SGPP2: variants seen among roughly 807,000 people sequenced by gnomAD.
SGPP2 encodes the protein sphingosine-1-phosphate phosphatase 2, also known as sphingosine 1-phosphate phosphohydrolase 2.
In SGPP2, 30 loss-of-function variants were observed where a neutral mutation model predicts 33.9. The observed-to-expected ratio is 0.89, with a 90% CI of 0.66 to 1.20. SGPP2 has a LOEUF of 1.20. Ranked by LOEUF, SGPP2 falls within the 50% of genes most tolerant of loss-of-function variation. The pLI is 0.00. For missense variants in SGPP2, 458 were observed against 532.1 expected (o/e 0.86, Z 1.37); for synonymous variants, 233 against 225.0 (o/e 1.04, Z -0.32).
rs766297637 is a variant in SGPP2 at position 222,428,895 on chromosome 2, G to A, written c.219+4074G>A. 4.8e-4 allele frequency among the ~76,000 whole-genome samples: 68 copies of A among 141,892 alleles called. 1 individual carries two copies. Among genetic ancestry groups the A allele is most frequent in the Non-Finnish European group, 8.7e-4 (58 of 66,706 alleles). 93.1% of individuals were successfully genotyped at this position (141,892 alleles called of 152,430 possible). A position where few individuals can be genotyped will look rare whatever the true frequency, so the allele number is the denominator to read the frequency against. ...CAACCTCTGCCTCCTGGATTCAAAC[G>A]ATTCTCCTGCCTCAGCCTCCCAAGT... On this transcript the variant is annotated intron_variant, in intron 1 of 4. Transcript: ENST00000321276.
At chr2:222,469,911 A>T (rs528269781) in intron 1 of SGPP2, among the ~76,000 whole-genome samples, 3 of 152,260 alleles carry the variant, frequency 2.0e-5, no homozygotes, top group African/African-American at 7.2e-5. Flanking sequence ...TGATACATAT[A>T]CACCATGGAA....
In SGPP2 at chr2:222,562,092, T is replaced by G. The variant is rs1018130648; in HGVS notation, c.*3194T>G. ...TTGGAGATTAATTTAAAAGGCAAGC[T>G]CACCACAATGTAAGCCTATGGTCTG... On this transcript the variant is annotated 3_prime_UTR_variant, in exon 5 of 5. Transcript: ENST00000321276. Among the ~76,000 whole-genome samples, 1 of 152,126 alleles carries G rather than the reference T, an allele frequency of 6.6e-6. No individual in the cohort carries two copies. The highest frequency in any genetic ancestry group is 1.5e-5 in the Non-Finnish European group (1 of 68,012).
intron 1 of SGPP2, among the ~76,000 whole-genome samples, chr2:222,435,985 C>T (rs2106061492): frequency 6.6e-6 from 1 of 152,306 alleles, no homozygotes; most frequent in Middle Eastern, 3.4e-3. Flanking sequence ...GTTGTACTTT[C>T]CCATTGACCT....
intron 1 of SGPP2, among the ~76,000 whole-genome samples, chr2:222,470,962 C>T (rs143497375): frequency 6.6e-6 from 1 of 152,200 alleles, no homozygotes; most frequent in Non-Finnish European, 1.5e-5. Context: ...TAACTTGTCT[C>T]GGACCCTTGT....
chr2:222,520,889 A>G (rs1196024780), intron 2 of SGPP2, among the ~76,000 whole-genome samples: 2 of 151,986 alleles, frequency 1.3e-5, no homozygotes, highest in East Asian at 3.9e-4. Context: ...CCTCTCAAGT[A>G]GCTGGTACCA....
chr2:222,456,860 C>T (rs951499371), intron 1 of SGPP2, among the ~76,000 whole-genome samples: 31 of 152,174 alleles, frequency 2.0e-4, no homozygotes, highest in African/African-American at 7.0e-4. Flanking sequence ...GGTTATCTCT[C>T]CTGCTCCACT....
Position 222,476,805 on chromosome 2 carries a change from C to T in SGPP2, c.378+2079C>T, listed in dbSNP as rs531176529. Among the ~76,000 whole-genome samples the T allele has an allele frequency of 8.1e-5, 12 of 147,382 alleles. No individual in the cohort carries two copies. The highest frequency in any genetic ancestry group is 1.5e-4 in the Non-Finnish European group (10 of 66,584). ...GTGTGTATACAGGTGTGTGTATATCCGTGCGTGTATATAGGTGTGTGTATA... is the reference window on the plus strand; with the variant it reads ...GTGTGTATACAGGTGTGTGTATATCTGTGCGTGTATATAGGTGTGTGTATA... On this transcript the variant is annotated intron_variant, in intron 2 of 4. Coordinates refer to ENST00000321276, the MANE Select transcript of SGPP2 (RefSeq NM_152386.4). The surrounding 1 kb of genome is among the most constrained non-coding windows in gnomAD (Gnocchi z 4.3).
chr2:222,557,872 C>T (rs1035808974), intron 4 of SGPP2, among the ~76,000 whole-genome samples: 1 of 152,202 alleles, frequency 6.6e-6, no homozygotes, highest in Admixed American at 6.5e-5. Flanking sequence ...CCCAAAGGAA[C>T]ATGTCCTCTA....
intron 1 of SGPP2, among the ~76,000 whole-genome samples, chr2:222,433,486 C>T (rs1408414668): frequency 6.6e-6 from 1 of 152,148 alleles, no homozygotes; most frequent in Non-Finnish European, 1.5e-5. Flanking sequence ...AGTTAGATCC[C>T]TCTGCTCACC....
intron 4 of SGPP2, among the ~76,000 whole-genome samples, chr2:222,546,825 CA>C (rs5838955): frequency 0.049 from 5,740 of 116,552 alleles, 219 homozygotes; most frequent in African/African-American, 0.12. Flanking sequence ...ACACATGTTG[CA>C]AAAAAAAAAA....
intron 4 of SGPP2, among the ~76,000 whole-genome samples, chr2:222,542,928 C>T (rs1292719214): frequency 7.9e-5 from 12 of 151,768 alleles, no homozygotes; most frequent in African/African-American, 1.5e-4. Context: ...TAGCTGGGAC[C>T]GCAGTCGTGT....
intron 2 of SGPP2, among the ~76,000 whole-genome samples, chr2:222,515,265 G>A (rs1698586766): frequency 6.6e-6 from 1 of 152,048 alleles, no homozygotes; most frequent in Admixed American, 6.6e-5. Flanking sequence ...TCTACAACAT[G>A]GTGCCTCATC....
intron 4 of SGPP2, among the ~76,000 whole-genome samples, chr2:222,536,855 T>G (rs949841528): frequency 1.3e-5 from 2 of 152,188 alleles, no homozygotes; most frequent in African/African-American, 4.8e-5. Flanking sequence ...GTTAGTCTGT[T>G]CCAATAGTGG....
chr2:222,493,242 G>T (rs1444585659), intron 2 of SGPP2, among the ~76,000 whole-genome samples: 1 of 152,220 alleles, frequency 6.6e-6, no homozygotes, highest in African/African-American at 2.4e-5. Context: ...ACACAGTTCT[G>T]CATGGCTGGG....
At chr2:222,545,096 T>C (rs1689163620) in intron 4 of SGPP2, among the ~76,000 whole-genome samples, 1 of 152,196 alleles carries the variant, frequency 6.6e-6, no homozygotes, top group Non-Finnish European at 1.5e-5. Flanking sequence ...CATGAGGATT[T>C]CCTAGAAGAG....
intron 2 of SGPP2, among the ~76,000 whole-genome samples, chr2:222,487,539 A>G (rs775226115): frequency 6.6e-5 from 10 of 152,210 alleles, no homozygotes; most frequent in Non-Finnish European, 1.3e-4. Context: ...TTTTCATCAT[A>G]TGCCATGGCT....
chr2:222,443,386 C>T (rs79954819), intron 1 of SGPP2, among the ~76,000 whole-genome samples: 4,146 of 152,198 alleles, frequency 0.027, 174 homozygotes, highest in African/African-American at 0.091. Context: ...CTTCCCTCCC[C>T]GCTTTTGAAA....
intron 2 of SGPP2, among the ~76,000 whole-genome samples, chr2:222,489,379 G>GTT (rs1466908532): frequency 6.6e-6 from 1 of 151,508 alleles, no homozygotes; most frequent in Non-Finnish European, 1.5e-5. Flanking sequence ...TAGCCAGCAA[G>GTT]GACTGTATGT....
chr2:222,469,907 A>G (rs1697812382), intron 1 of SGPP2, among the ~76,000 whole-genome samples: 1 of 152,250 alleles, frequency 6.6e-6, no homozygotes, highest in Non-Finnish European at 1.5e-5. Context: ...AATGTGATAC[A>G]TATACACCAT....
Sources: gnomAD v4.1 joint callset for allele counts (sites outside exome capture counted in the v4.1 genomes callset) on GRCh38, gnomAD v4.1.1 for gene constraint, Gnocchi (gnomAD v3.1) non-coding constraint, MANE v1.5 for transcripts, NCBI Gene and HGNC (gene_info 2026-07-23, HGNC 2026-07-21) for gene names.